METTL15: variants seen among roughly 807,000 people sequenced by gnomAD.
METTL15 encodes methyltransferase 15, mitochondrial 12S rRNA N4-cytidine.
A neutral mutation model predicts 38.3 loss-of-function variants in METTL15; 34 were observed. The observed-to-expected ratio is 0.89, with a 90% CI of 0.68 to 1.18. METTL15 has a LOEUF of 1.18. Ranked by LOEUF, METTL15 falls within the 50% of genes most tolerant of loss-of-function variation. METTL15 has a pLI of 0.00. For synonymous variants in METTL15, 162 were observed against 170.9 expected, an observed-to-expected ratio of 0.95 and a Z score of 0.41; for missense variants, 438 against 498.4, an observed-to-expected ratio of 0.88 and a Z score of 1.15.
chr11:28,188,102 G>T (rs1015829529), intron 3 of METTL15, among the ~76,000 whole-genome samples: 1 of 151,104 alleles, frequency 6.6e-6, no homozygotes, highest in African/African-American at 2.4e-5. Context: ...ACTAGTTTTT[G>T]TGGCATTTAA....
At chr11:28,205,765 C>T (rs1189357983) in intron 3 of METTL15, among the ~76,000 whole-genome samples, 1 of 148,144 alleles carries the variant, frequency 6.8e-6, no homozygotes, top group Non-Finnish European at 1.5e-5. Context: ...CTCTCCAGCA[C>T]CTGTTGTTTC....
chr11:28,247,212 C>A (rs1854548460), intron 4 of METTL15, among the ~76,000 whole-genome samples: 1 of 151,936 alleles, frequency 6.6e-6, no homozygotes, highest in Non-Finnish European at 1.5e-5. Context: ...AGAATGTAAA[C>A]AAATTTGCAT....
intron 5 of METTL15, among the ~76,000 whole-genome samples, chr11:28,371,642 A>T (rs1850244255): frequency 6.6e-6 from 1 of 152,006 alleles, no homozygotes; most frequent in South Asian, 2.1e-4. Context: ...ATATTTTTCC[A>T]TTTTATTGTG....
At chr11:28,152,215 A>G (rs1850114723) in intron 3 of METTL15, among the ~76,000 whole-genome samples, 1 of 151,666 alleles carries the variant, frequency 6.6e-6, no homozygotes, top group Non-Finnish European at 1.5e-5. Flanking sequence ...TTAGTTTTAT[A>G]TGTCCTCAAA....
At chr11:28,501,739 G>C (rs944193787) in intron 6 of METTL15, among the ~76,000 whole-genome samples, 1 of 152,078 alleles carries the variant, frequency 6.6e-6, no homozygotes, top group Non-Finnish European at 1.5e-5. Flanking sequence ...TTAGTCCAGG[G>C]AGCAATCCGT....
At chr11:28,382,283 CAG>C (rs1452036528) in intron 5 of METTL15, among the ~76,000 whole-genome samples, 2 of 152,154 alleles carry the variant, frequency 1.3e-5, no homozygotes, top group Non-Finnish European at 2.9e-5. Flanking sequence ...AGTTACAGAG[CAG>C]AGTTTCCAAG....
intron 6 of METTL15, among the ~76,000 whole-genome samples, chr11:28,475,835 C>T (rs1851342003): frequency 6.6e-6 from 1 of 152,116 alleles, no homozygotes; most frequent in African/African-American, 2.4e-5. Flanking sequence ...AACTTAGTTC[C>T]ACAGAACTGA....
chr11:28,489,002 A>G (rs1048840993), intron 6 of METTL15, among the ~76,000 whole-genome samples: 6 of 152,122 alleles, frequency 3.9e-5, no homozygotes, highest in African/African-American at 1.4e-4. Flanking sequence ...CTTTTACCTT[A>G]CCCACAGTAA....
chr11:28,462,479 T>TACACACACACACACAC (rs10573384), intron 6 of METTL15, among the ~76,000 whole-genome samples: 1 of 146,328 alleles, frequency 6.8e-6, no homozygotes, highest in African/African-American at 2.5e-5. Context: ...CATACACGCT[T>TACACACACACACACAC]ACACACACAC....
chr11:28,476,209 A>G (rs1851345099), intron 6 of METTL15, among the ~76,000 whole-genome samples: 1 of 152,104 alleles, frequency 6.6e-6, no homozygotes, highest in African/African-American at 2.4e-5. Flanking sequence ...AGCCCAGCCC[A>G]TTGTCCCCCT....
chr11:28,197,430 A>G (rs947039896), intron 3 of METTL15: 5 of 343,772 alleles, frequency 1.5e-5, no homozygotes, highest in African/African-American at 1.1e-4. Flanking sequence ...ATATGACACT[A>G]CTTTTTTCAG....
intron 4 of METTL15, among the ~76,000 whole-genome samples, chr11:28,228,783 C>A (rs1008685933): frequency 6.6e-6 from 1 of 151,650 alleles, no homozygotes; most frequent in Non-Finnish European, 1.5e-5. Flanking sequence ...ATGTCATATC[C>A]CTGCTTGGAT....
At chr11:28,397,899 C>A (rs2133400953) in intron 5 of METTL15, among the ~76,000 whole-genome samples, 1 of 152,220 alleles carries the variant, frequency 6.6e-6, no homozygotes. Flanking sequence ...CCATGGAATA[C>A]TATGCAGCCA....
chr11:28,160,428 G>A (rs183857649), intron 3 of METTL15, among the ~76,000 whole-genome samples: 2 of 151,992 alleles, frequency 1.3e-5, no homozygotes, highest in African/African-American at 4.8e-5. Context: ...TAAAACAATA[G>A]GATTCTACAA....
rs930068581 is a variant in METTL15, at chr11:28,366,567, A to G, written c.*358+4531A>G. Among the ~76,000 whole-genome samples the G allele has an allele frequency of 3.3e-5, 5 of 152,202 alleles. No homozygotes were observed. In the East Asian group the frequency reaches 7.7e-4, roughly 23 times the overall value. ...CATGAAGCAGTGAGTCCCTTCACCC[A>G]TAAGAAGAGAGGAGCCTACCTAGTA... is the stretch of plus-strand genomic sequence containing the variant. On this transcript the variant is annotated intron_variant and NMD_transcript_variant, in intron 5 of 7. Coordinates refer to the METTL15 transcript ENST00000532947.
intron 4 of METTL15, among the ~76,000 whole-genome samples, chr11:28,226,910 A>T (rs1853502633): frequency 6.6e-6 from 1 of 151,952 alleles, no homozygotes; most frequent in Non-Finnish European, 1.5e-5. Flanking sequence ...TCACAAATAT[A>T]AACAAGCATG....
intron 5 of METTL15, among the ~76,000 whole-genome samples, chr11:28,391,295 C>T (rs571473106): frequency 2.5e-4 from 38 of 152,144 alleles, no homozygotes; most frequent in African/African-American, 8.4e-4. Context: ...AGAGGGCATC[C>T]GTGTCTTGTG....
chr11:28,492,537 C>CAG (rs1011596488), intron 6 of METTL15, among the ~76,000 whole-genome samples: 5 of 151,760 alleles, frequency 3.3e-5, no homozygotes, highest in African/African-American at 4.8e-5. Flanking sequence ...CACACACACA[C>CAG]ACACACACAT....
intron 5 of METTL15, among the ~76,000 whole-genome samples, chr11:28,393,848 GC>G (rs1259900862): frequency 6.6e-6 from 1 of 152,084 alleles, no homozygotes; most frequent in Non-Finnish European, 1.5e-5. Flanking sequence ...TTGAAGGTTG[GC>G]TACAACCACA....
Sources: allele counts gnomAD v4.1 joint callset (sites outside exome capture counted in the v4.1 genomes callset), GRCh38; gene constraint gnomAD v4.1.1; transcripts MANE v1.5; gene names NCBI Gene and HGNC (gene_info 2026-07-23, HGNC 2026-07-21).